The following LETM1 variants were observed in gnomAD, a reference collection of about 807,000 sequenced individuals.
LETM1 encodes the protein leucine zipper and EF-hand containing transmembrane protein 1, also known as mitochondrial proton/calcium exchanger protein.
A neutral mutation model predicts 74.5 loss-of-function variants in LETM1; 50 were observed. That is an observed-to-expected ratio of 0.67 (90% CI 0.53 to 0.85). The LOEUF (loss-of-function observed/expected upper bound fraction) is 0.85. LETM1 is among the 40% of genes least tolerant of loss of function. The probability of loss-of-function intolerance (pLI) is 0.00; values close to 1 mark genes in which losing one functional copy is unlikely to be tolerated. For synonymous variants in LETM1, 446 were observed against 407.1 expected (o/e 1.10, Z -1.15); for missense variants, 824 against 967.8 (o/e 0.85, Z 1.97).
At chr4:1,840,697 A>T (rs1031190508) in intron 3 of LETM1, among the ~76,000 whole-genome samples, 9 of 151,072 alleles carry the variant, frequency 6.0e-5, no homozygotes, top group South Asian at 2.1e-4. Context: ...ATAAATATAA[A>T]AATAATAATA....
At chr4:1,835,008 T>C (rs749616194) in intron 4 of LETM1, 26 bp from the exon 5 acceptor site, 16 of 1,609,476 alleles carry the variant, frequency 9.9e-6, no homozygotes, top group Non-Finnish European at 1.4e-5. Flanking sequence ...GGGCACTGCA[T>C]TCCAACTGCT....
intron 6 of LETM1, 104 bp from the exon 7 acceptor site, chr4:1,825,787 A>G (rs1033568593): frequency 4.4e-6 from 6 of 1,371,734 alleles, no homozygotes; most frequent in Admixed American, 4.3e-5. Flanking sequence ...TTTGCCAAGC[A>G]AGAATCAAAC....
chr4:1,826,610 T>C (rs1711996944), intron 6 of LETM1, among the ~76,000 whole-genome samples: 1 of 152,234 alleles, frequency 6.6e-6, no homozygotes, highest in Non-Finnish European at 1.5e-5. Flanking sequence ...TGGGGTTCCC[T>C]GAGGACCCAC....
chr4:1,847,693 C>T lies in LETM1; in HGVS notation c.143+1456G>A, dbSNP rs571484944. ...TGCAAAAATTAGCTGGGTGTGGTGG[C>T]GGCGTCTCTAATCCCAGCTACTAGG... On this transcript the variant is annotated intron_variant, in intron 2 of 13. Transcript: ENST00000302787. Among the ~76,000 whole-genome samples, 9 of 151,250 alleles carry T rather than the reference C, an allele frequency of 6.0e-5. 1 individual carries two copies. The South Asian group carries it at 1.3e-3, about 21-fold the overall frequency.
At chr4:1,841,218 G>T in intron 3 of LETM1, 129 bp downstream of exon 3, 1 of 778,940 alleles carries the variant, frequency 1.3e-6, no homozygotes, top group Non-Finnish European at 2.0e-6. Flanking sequence ...GGTGGCACAT[G>T]CCTGTGGTCC....
At chr4:1,854,358 T>C (rs746190326) in intron 1 of LETM1, among the ~76,000 whole-genome samples, 9 of 150,954 alleles carry the variant, frequency 6.0e-5, no homozygotes, top group Non-Finnish European at 8.8e-5. Flanking sequence ...TGTGCGCCTG[T>C]AATCCCAGCT....
At chr4:1,844,816 G>C (rs537826697) in intron 2 of LETM1, among the ~76,000 whole-genome samples, 1 of 149,956 alleles carries the variant, frequency 6.7e-6, no homozygotes, top group South Asian at 2.1e-4. Flanking sequence ...ACGAGGCCAA[G>C]GCAGGAGCGC....
At chr4:1,852,161 GC>G (rs1713091037) in intron 1 of LETM1, among the ~76,000 whole-genome samples, 2 of 152,260 alleles carry the variant, frequency 1.3e-5, no homozygotes, top group African/African-American at 2.4e-5. Context: ...CCACAAGACT[GC>G]CCCCACTCCA....
chr4:1,812,976 C>T lies in LETM1; in HGVS notation c.*1448G>A, dbSNP rs187970435. ...GGCGTCTGCACACACCTGGCAACTGCAAGACTTGTTCTCAAGGGTAAGTAC... is the reference window on the plus strand; with the variant it reads ...GGCGTCTGCACACACCTGGCAACTGTAAGACTTGTTCTCAAGGGTAAGTAC... On this transcript the variant is annotated 3_prime_UTR_variant, in exon 14 of 14. Coordinates refer to ENST00000302787, the MANE Select transcript of LETM1 (RefSeq NM_012318.3). The T allele has an allele frequency of 6.6e-6, 1 of 152,462 alleles. No individual in the cohort carries two copies. The highest frequency in any genetic ancestry group is 6.5e-5 in the Admixed American group (1 of 15,298). 9.4% of individuals were successfully genotyped at this position (152,462 alleles called of 1,614,324 possible). A position where few individuals can be genotyped will look rare whatever the true frequency, so the allele number is the denominator to read the frequency against.
chr4:1,814,748 C>T (rs966522974), intron 13 of LETM1, among the ~76,000 whole-genome samples, 175 bp from the exon 14 acceptor site: 1 of 152,210 alleles, frequency 6.6e-6, no homozygotes, highest in East Asian at 1.9e-4. Context: ...GTGCCACAGA[C>T]CCTGGGGAAG....
intron 1 of LETM1, among the ~76,000 whole-genome samples, chr4:1,853,922 C>T (rs754102384): frequency 6.6e-6 from 1 of 152,194 alleles, no homozygotes; most frequent in Non-Finnish European, 1.5e-5. Flanking sequence ...ACAGTAGTAA[C>T]TACAGAAGAC....
In LETM1 at chr4:1,823,644, C is replaced by T. The variant is rs1711877007; in HGVS notation, c.1332G>A (p.Val444=). 3 of 1,613,684 alleles carry T rather than the reference C, an allele frequency of 1.9e-6. No individual in the cohort carries two copies. The highest frequency in any genetic ancestry group is 2.5e-6 in the Non-Finnish European group (3 of 1,179,928). Reference sequence around the variant, plus strand: ...AAAAGGGGTCTCCGACAGCACGTACCACAATCTCTGGGAGGGTCTGCAGTG... The same window carrying T: ...AAAAGGGGTCTCCGACAGCACGTACTACAATCTCTGGGAGGGTCTGCAGTG... ...KSTLQTLPEI[V]AKEAQVKVAE... is the part of the protein sequence containing the mutation. Residue 444 remains valine, a splice_region_variant and synonymous_variant, in exon 8 of 14, where the codon GTG becomes GTA. Coordinates refer to ENST00000302787, the MANE Select transcript of LETM1 (RefSeq NM_012318.3).
chr4:1,822,482 C>G, intron 9 of LETM1, 170 bp from the exon 10 acceptor site: 1 of 680,770 alleles, frequency 1.5e-6, no homozygotes, highest in Non-Finnish European at 2.1e-6. Flanking sequence ...ATGCAGCTGC[C>G]AGGTCACCTG....
chr4:1,815,440 GTT>G (rs1256585327), intron 13 of LETM1, among the ~76,000 whole-genome samples: 3 of 152,236 alleles, frequency 2.0e-5, no homozygotes, highest in Non-Finnish European at 4.4e-5. Flanking sequence ...CACTAGGTGC[GTT>G]TTCTCTCTCA....
At position 1,812,973 on chromosome 4, in the gene LETM1, C is replaced by G. The variant is rs895159418; in HGVS notation, c.*1451G>C. ...AGAGGCGTCTGCACACACCTGGCAA[C>G]TGCAAGACTTGTTCTCAAGGGTAAG... On this transcript the variant is annotated 3_prime_UTR_variant, in exon 14 of 14. Coordinates refer to ENST00000302787, the MANE Select transcript of LETM1 (RefSeq NM_012318.3). 5.9e-5 allele frequency: 9 copies of G among 152,388 alleles called. No individual in the cohort carries two copies. Among genetic ancestry groups the G allele is most frequent in the African/African-American group, 2.2e-4 (9 of 41,458 alleles). The allele number at this position is 152,388 out of a possible 1,614,324, so 9.4% of individuals were successfully genotyped here.
At position 1,836,699 on chromosome 4, in the gene LETM1, G is replaced by A. The variant is rs1256173563; in HGVS notation, c.595-127C>T. On this transcript the variant is annotated intron_variant, in intron 3 of 13. Coordinates refer to ENST00000302787, the MANE Select transcript of LETM1 (RefSeq NM_012318.3). The surrounding 1 kb of genome is among the most constrained non-coding windows in gnomAD (Gnocchi z 5.8). ...GGCAGCGACTCACAGGACCCACTGA[G>A]GACTCTAAGTTCCAGAACCACTTAG... The A allele has an allele frequency of 3.0e-6, 3 of 987,600 alleles. No homozygotes were observed. Among genetic ancestry groups the A allele is most frequent in the Non-Finnish European group, 4.5e-6 (3 of 669,334 alleles). 61.2% of individuals were successfully genotyped at this position (987,600 alleles called of 1,614,324 possible). A position where few individuals can be genotyped will look rare whatever the true frequency, so the allele number is the denominator to read the frequency against.
chr4:1,836,649 A>G lies in LETM1; in HGVS notation c.595-77T>C. On this transcript the variant is annotated intron_variant, in intron 3 of 13. Coordinates refer to ENST00000302787, the MANE Select transcript of LETM1 (RefSeq NM_012318.3). This position sits in a 1 kb window ranked among gnomAD's most constrained non-coding sequence, Gnocchi z 5.8. Reference sequence around the variant, plus strand: ...GGCAAGGGGTGTGAGCATTTCTCCTATAATGGTTTATAGGCACAACCTCAG... The same window carrying G: ...GGCAAGGGGTGTGAGCATTTCTCCTGTAATGGTTTATAGGCACAACCTCAG... The G allele has an allele frequency of 1.3e-6, 2 of 1,510,640 alleles. No homozygotes were observed. The highest frequency in any genetic ancestry group is 1.1e-5 in the South Asian group (1 of 87,746). 93.6% of individuals were successfully genotyped at this position (1,510,640 alleles called of 1,614,324 possible).
intron 6 of LETM1, among the ~76,000 whole-genome samples, chr4:1,830,534 AT>A (rs1712229396): frequency 6.6e-6 from 1 of 152,054 alleles, no homozygotes; most frequent in African/African-American, 2.4e-5. Context: ...GGGTCTCACT[AT>A]GTTGCCCAGG....
intron 1 of LETM1, among the ~76,000 whole-genome samples, chr4:1,851,151 C>A (rs541221810): frequency 2.0e-5 from 3 of 152,256 alleles, no homozygotes; most frequent in Admixed American, 2.0e-4. Context: ...ATGCTGGGAA[C>A]AAGACAGGAA....
Sources: gnomAD v4.1 joint callset for allele counts (sites outside exome capture counted in the v4.1 genomes callset) on GRCh38, gnomAD v4.1.1 for gene constraint, Gnocchi (gnomAD v3.1) non-coding constraint, MANE v1.5 for transcripts, NCBI Gene and HGNC (gene_info 2026-07-23, HGNC 2026-07-21) for gene names.